USP35: variants seen among roughly 807,000 people sequenced by gnomAD.
USP35 encodes the protein ubiquitin carboxyl-terminal hydrolase 35.
USP35 carries 69 observed loss-of-function variants against 83.8 expected under a neutral mutation model. That is an observed-to-expected ratio of 0.82 (90% CI 0.68 to 1.01). The LOEUF (loss-of-function observed/expected upper bound fraction) is 1.01. Ranked by LOEUF, USP35 falls within the 50% of genes least tolerant of loss-of-function variation. The probability of loss-of-function intolerance (pLI) is 0.00; values close to 1 mark genes in which losing one functional copy is unlikely to be tolerated. For missense variants in USP35, 1,503 were observed against 1,362.5 expected, an observed-to-expected ratio of 1.10 and a Z score of -1.62; for synonymous variants, 714 against 589.5, an observed-to-expected ratio of 1.21 and a Z score of -3.06.
chr11:78,209,682 C>A lies in USP35; in HGVS notation c.1827C>A (p.Arg609=). 6.2e-7 allele frequency: 1 copy of A among 1,613,950 alleles called. No individual in the cohort carries two copies. The highest frequency in any genetic ancestry group is 8.5e-7 in the Non-Finnish European group (1 of 1,179,896). The change falls in exon 10 of 11, where the codon CGC becomes CGA. Residue 609 remains arginine (R), a synonymous_variant. Coordinates refer to ENST00000529308, the MANE Select transcript of USP35 (RefSeq NM_020798.4). ...CTCCTCCTGAGCGCTGTCGCCGCCG[C>A]CGCCTGGGCTCTGTGATGCGCCCCA... ...AFPPPERCRR[R]RLGSVMRPTE...
downstream of USP35, chr11:78,219,244 C>T (rs1864296975): frequency 1.9e-6 from 3 of 1,606,912 alleles, no homozygotes; most frequent in African/African-American, 2.7e-5. Flanking sequence ...GGAGATGCTG[C>T]CTCCTGGGCT....
At chr11:78,215,547 CAA>C (rs1403770970), downstream of USP35, 3 of 152,562 alleles carry the variant, frequency 2.0e-5, no homozygotes, top group Non-Finnish European at 4.4e-5. Flanking sequence ...GGTAACAAGA[CAA>C]GAACTCAAGA....
chr11:78,204,133 G>A (rs10899447), intron 6 of USP35, among the ~76,000 whole-genome samples: 2 of 151,554 alleles, frequency 1.3e-5, no homozygotes, highest in South Asian at 4.2e-4. Flanking sequence ...CTCGTGATCC[G>A]CCCGCCTCGG....
chr11:78,223,677 C>A, the USP35 span: 1 of 1,590,668 alleles, frequency 6.3e-7, no homozygotes, highest in Non-Finnish European at 8.6e-7. Flanking sequence ...TTTTCCCTGG[C>A]TAGGGAGAGG....
chr11:78,196,937 C>T lies in USP35; in HGVS notation c.673+19C>T. ...TGCGCAGGTGCGTGTGCGGCCGGGGCAGGAGCGCGGGCATGCGGAGGTCCT... is the reference window on the plus strand; with the variant it reads ...TGCGCAGGTGCGTGTGCGGCCGGGGTAGGAGCGCGGGCATGCGGAGGTCCT... On this transcript the variant is annotated intron_variant, in intron 2 of 10. Coordinates refer to ENST00000529308, the MANE Select transcript of USP35 (RefSeq NM_020798.4). The surrounding 1 kb of genome is among the most constrained non-coding windows in gnomAD (Gnocchi z 4.8). 1 of 1,437,250 alleles carries T rather than the reference C, an allele frequency of 7.0e-7. No individual in the cohort carries two copies. The allele number at this position is 1,437,250 out of a possible 1,614,324, so 89.0% of individuals were successfully genotyped here. A position where few individuals can be genotyped will look rare whatever the true frequency, so the allele number is the denominator to read the frequency against.
chr11:78,222,247 C>G, the USP35 span: 1 of 1,107,050 alleles, frequency 9.0e-7, no homozygotes, highest in Non-Finnish European at 1.4e-6. Context: ...TAATGCTACA[C>G]ATACACACCT....
At chr11:78,220,166 C>T (rs1864350166), downstream of USP35, among the ~76,000 whole-genome samples, 1 of 152,144 alleles carries the variant, frequency 6.6e-6, no homozygotes, top group East Asian at 1.9e-4. Flanking sequence ...TAGATGAAAG[C>T]TCTATGACTA....
At chr11:78,225,479 A>C in the USP35 span, among the ~76,000 whole-genome samples, 1 of 152,006 alleles carries the variant, frequency 6.6e-6, no homozygotes, top group Non-Finnish European at 1.5e-5. Flanking sequence ...TACACCACTC[A>C]CCTGTCCTGC....
At chr11:78,199,429 G>A (rs1424544515) in intron 3 of USP35, 166 bp from the exon 4 acceptor site, 3 of 1,035,534 alleles carry the variant, frequency 2.9e-6, no homozygotes, top group East Asian at 4.9e-5. Context: ...TGCTGGGCTT[G>A]TGCATTTCCC....
At position 78,189,035 on chromosome 11, in the gene USP35, C is replaced by T; in HGVS notation, c.-133C>T. The T allele has an allele frequency of 1.2e-5, 10 of 867,040 alleles. No homozygotes were observed. Among genetic ancestry groups the T allele is most frequent in the Non-Finnish European group, 1.4e-5 (10 of 721,878 alleles). The allele number at this position is 867,040 out of a possible 1,614,324, so 53.7% of individuals were successfully genotyped here. On this transcript the variant is annotated 5_prime_UTR_variant, in exon 1 of 11. Coordinates refer to ENST00000529308, the MANE Select transcript of USP35 (RefSeq NM_020798.4). Reference sequence around the variant, plus strand: ...AGCATCTCTTCCGTCTGGGACCTGGCTGAGGGCGTCCCCACCCTGGGGGGA... The same window carrying T: ...AGCATCTCTTCCGTCTGGGACCTGGTTGAGGGCGTCCCCACCCTGGGGGGA...
chr11:78,206,864 T>C (rs1378647837), intron 7 of USP35, among the ~76,000 whole-genome samples: 1 of 152,222 alleles, frequency 6.6e-6, no homozygotes, highest in Non-Finnish European at 1.5e-5. Context: ...CTCCAGAGAA[T>C]GTTCGTGTAG....
At chr11:78,233,757 C>T in the USP35 span, among the ~76,000 whole-genome samples, 1 of 152,148 alleles carries the variant, frequency 6.6e-6, no homozygotes, top group African/African-American at 2.4e-5. Flanking sequence ...TAGATGAGCA[C>T]ATCCACGCCT....
Position 78,209,861 on chromosome 11 carries a change from G to A in USP35, c.2006G>A (p.Gly669Glu). Residue 669 changes from glycine (G) to glutamate (E), a missense_variant, in exon 10 of 11, where the codon GGG (glycine) becomes GAG (glutamate). Physicochemically the swap from Gly to Glu is moderately conservative, Grantham distance 98. Transcript: ENST00000529308. The part of the protein sequence containing the change: ...IEGLDSKEAG[G>E]QSSQEERIER... ...GGCCTGGACTCCAAGGAAGCTGGTGGGCAGAGCAGTCAGGAGGAAAGGATA... is the reference window on the plus strand; with the variant it reads ...GGCCTGGACTCCAAGGAAGCTGGTGAGCAGAGCAGTCAGGAGGAAAGGATA... The A allele has an allele frequency of 6.2e-7, 1 of 1,611,464 alleles. No individual in the cohort carries two copies. The highest frequency in any genetic ancestry group is 1.1e-5 in the South Asian group (1 of 90,764).
intron 10 of USP35, 62 bp from the exon 11 acceptor site, chr11:78,213,584 G>GACTC (rs368732339): frequency 7.0e-7 from 1 of 1,430,418 alleles, no homozygotes; most frequent in South Asian, 1.7e-5. Context: ...GTGCTGGGTA[G>GACTC]ACTCACTCTG....
the USP35 span, among the ~76,000 whole-genome samples, chr11:78,228,213 C>T: frequency 6.6e-6 from 1 of 152,180 alleles, no homozygotes; most frequent in Admixed American, 6.5e-5. Context: ...GGTTTTCAAA[C>T]TAGATTCCAG....
At position 78,196,221 on chromosome 11, in the gene USP35, C is replaced by A. The variant is rs746866859; in HGVS notation, c.-10-15C>A. The A allele has an allele frequency of 5.7e-6, 9 of 1,576,606 alleles. No individual in the cohort carries two copies. In the African/African-American group the frequency reaches 9.7e-5, roughly 17 times the overall value. On this transcript the variant is annotated splice_polypyrimidine_tract_variant and intron_variant, in intron 1 of 10. Transcript: ENST00000529308. The surrounding 1 kb of genome is among the most constrained non-coding windows in gnomAD (Gnocchi z 4.8). ...GCGGTTGTCGGGCTGTGACCTCATTCCCTGTCCTCCGCAGCGCGGGCGCCA... is the reference window on the plus strand; with the variant it reads ...GCGGTTGTCGGGCTGTGACCTCATTACCTGTCCTCCGCAGCGCGGGCGCCA...
chr11:78,221,001 G>A, the USP35 span, among the ~76,000 whole-genome samples: 3 of 152,204 alleles, frequency 2.0e-5, no homozygotes, highest in Admixed American at 1.3e-4. Context: ...AAGATCTGAA[G>A]AGGGTGGCTT....
chr11:78,210,083 A>C lies in USP35; in HGVS notation c.2228A>C (p.Asp743Ala), dbSNP rs879163488. ...AGCCTGGGAGCGGGGACCCACCCGGATGCTGCCATCCCCTCCGGGGAGCGG... is the reference window on the plus strand; with the variant it reads ...AGCCTGGGAGCGGGGACCCACCCGGCTGCTGCCATCCCCTCCGGGGAGCGG... ...EDSLGAGTHPDAAIPSGERTC... is the reference protein window; with the variant it reads ...EDSLGAGTHPAAAIPSGERTC... The change falls in exon 10 of 11, where the codon GAT becomes GCT. Residue 743 changes from aspartate (D) to alanine (A), a missense_variant. Coordinates refer to ENST00000529308, the MANE Select transcript of USP35 (RefSeq NM_020798.4). The C allele has an allele frequency of 1.2e-6, 2 of 1,614,002 alleles. No homozygotes were observed. Among genetic ancestry groups the C allele is most frequent in the East Asian group, 2.2e-5 (1 of 44,874 alleles).
intron 10 of USP35, among the ~76,000 whole-genome samples, chr11:78,212,435 C>T (rs60862171): frequency 0.04 from 5,981 of 149,928 alleles, 361 homozygotes; most frequent in African/African-American, 0.14. Context: ...TTTTTGGCTC[C>T]GTATGAATTT....
Sources: allele counts gnomAD v4.1 joint callset (sites outside exome capture counted in the v4.1 genomes callset), GRCh38; gene constraint gnomAD v4.1.1; non-coding constraint Gnocchi (gnomAD v3.1); transcripts MANE v1.5; gene names NCBI Gene and HGNC (gene_info 2026-07-23, HGNC 2026-07-21).